Variants in GARRE1 observed in about 807,000 individuals in gnomAD.
The protein encoded by GARRE1 is granule associated Rac and RHOG effector 1.
In GARRE1, 49 loss-of-function variants were observed where a neutral mutation model predicts 103.2. That is an observed-to-expected ratio of 0.47 (90% CI 0.38 to 0.60). The LOEUF (loss-of-function observed/expected upper bound fraction) is 0.60, where lower values mean the gene tolerates loss of function less well. Among genes scored for constraint, GARRE1 ranks in the 20% least tolerant of loss-of-function variants. The probability of loss-of-function intolerance (pLI) is 0.00; values close to 1 mark genes in which losing one functional copy is unlikely to be tolerated. For missense variants in GARRE1, 1,199 were observed against 1,370.5 expected (o/e 0.87, Z 1.98); for synonymous variants, 505 against 532.8 (o/e 0.95, Z 0.72).
chr19:34,295,785 C>A (rs1398134415), intron 1 of GARRE1, among the ~76,000 whole-genome samples: 1 of 152,162 alleles, frequency 6.6e-6, no homozygotes, highest in African/African-American at 2.4e-5. Flanking sequence ...CTTGTCTCAG[C>A]CTTTCAAAGT....
intron 1 of GARRE1, among the ~76,000 whole-genome samples, chr19:34,284,202 C>T (rs914329010): frequency 7.2e-6 from 1 of 138,634 alleles, no homozygotes; most frequent in Non-Finnish European, 1.5e-5. Context: ...GCAATCTCGG[C>T]TTACTGCAAC....
chr19:34,328,391 C>T (rs111921454), intron 6 of GARRE1, among the ~76,000 whole-genome samples: 14,722 of 151,464 alleles, frequency 0.097, 1,128 homozygotes, highest in African/African-American at 0.2. Flanking sequence ...CAGCCGGGTA[C>T]GGTGGCACGC....
rs766836349 is a variant in GARRE1 at position 34,348,003 on chromosome 19, C to T, written c.2648C>T (p.Ala883Val). Reference sequence around the variant, plus strand: ...GGCAACTGGCCGCCTATGGATGACGCGCATCGGACCTGGCCCTTCCCCGAG... The same window carrying T: ...GGCAACTGGCCGCCTATGGATGACGTGCATCGGACCTGGCCCTTCCCCGAG... ...PRGNWPPMDD[A>V]HRTWPFPEFF... Residue 883 changes from alanine (A) to valine (V), a missense_variant, in exon 11 of 14, where the codon GCG (alanine) becomes GTG (valine). Physicochemically the swap from Ala to Val is moderately conservative, Grantham distance 64. Coordinates refer to ENST00000299505, the MANE Select transcript of GARRE1 (RefSeq NM_014686.5). 11 of 1,550,292 alleles carry T rather than the reference C, an allele frequency of 7.1e-6. No individual in the cohort carries two copies. The highest frequency in any genetic ancestry group is 7.9e-6 in the Non-Finnish European group (9 of 1,142,576).
rs150795743 is a variant in GARRE1 at position 34,304,076 on chromosome 19, A to G, written c.495+3108A>G. ...CACTTCCTTGGGTCAGGGTCATTCT[A>G]CTTTGGATCTATCTTTGTAATTTTT... On this transcript the variant is annotated intron_variant, in intron 2 of 13. Coordinates refer to ENST00000299505, the MANE Select transcript of GARRE1 (RefSeq NM_014686.5). 1.3e-3 allele frequency among the ~76,000 whole-genome samples: 187 copies of G among 147,140 alleles called. 1 individual carries two copies. The highest frequency in any genetic ancestry group is 4.6e-3 in the African/African-American group (184 of 39,756).
chr19:34,322,840 G>A (rs2074095495), intron 3 of GARRE1, among the ~76,000 whole-genome samples: 1 of 151,700 alleles, frequency 6.6e-6, no homozygotes, highest in Non-Finnish European at 1.5e-5. Flanking sequence ...TACCTGACTC[G>A]GCCTCCCAAA....
chr19:34,330,283 GC>G lies in GARRE1; in HGVS notation c.1202del (p.Pro401LeufsTer41). ...FPVTEVLNQVCPSTWRGACKT... is the reference protein window; with the variant it reads ...FPVTEVLNQVXPSTWRGACKT... ...GTGACTGAAGTGCTGAACCAGGTTT[GC>G]CCTTCCACATGGCGAGGTGCCTGCA... On this transcript the variant is annotated frameshift_variant, in exon 7 of 14. Coordinates refer to ENST00000299505, the MANE Select transcript of GARRE1 (RefSeq NM_014686.5). LOFTEE classifies it high-confidence loss of function. 6.2e-7 allele frequency: 1 copy of G among 1,614,212 alleles called. No homozygotes were observed. The highest frequency in any genetic ancestry group is 8.5e-7 in the Non-Finnish European group (1 of 1,180,038).
At chr19:34,330,077 A>G (rs1471220305) in intron 6 of GARRE1, 112 bp from the exon 7 acceptor site, 3 of 977,330 alleles carry the variant, frequency 3.1e-6, no homozygotes, top group Non-Finnish European at 4.6e-6. Context: ...AGAAAAATAC[A>G]TAAATAAAAT....
intron 1 of GARRE1, among the ~76,000 whole-genome samples, chr19:34,286,808 A>G (rs1159517239): frequency 6.6e-6 from 1 of 152,116 alleles, no homozygotes; most frequent in East Asian, 1.9e-4. Flanking sequence ...GCCTTTGTGT[A>G]TTCTTGAATA....
At chr19:34,279,609 C>T (rs901540328) in intron 1 of GARRE1, among the ~76,000 whole-genome samples, 2 of 152,092 alleles carry the variant, frequency 1.3e-5, no homozygotes, top group Non-Finnish European at 2.9e-5. Flanking sequence ...TTGCATTTTC[C>T]AAGTTATATT....
At chr19:34,302,369 A>C (rs73580727) in intron 2 of GARRE1, among the ~76,000 whole-genome samples, 2,587 of 122,822 alleles carry the variant, frequency 0.021, 91 homozygotes, top group African/African-American at 0.076. Context: ...ATCTCAGCTT[A>C]CTGCAACATC....
chr19:34,286,025 C>T (rs1268092798), intron 1 of GARRE1, among the ~76,000 whole-genome samples: 2 of 152,056 alleles, frequency 1.3e-5, no homozygotes, highest in East Asian at 3.9e-4. Flanking sequence ...GTAACCAGCC[C>T]CTTGGTTCTC....
At chr19:34,291,553 T>A (rs1202681606) in intron 1 of GARRE1, among the ~76,000 whole-genome samples, 1 of 152,084 alleles carries the variant, frequency 6.6e-6, no homozygotes, top group Non-Finnish European at 1.5e-5. Context: ...AGGCGAAAGG[T>A]GGAAGGACAG....
In GARRE1 at chr19:34,320,038, C is replaced by T. The variant is rs772182883; in HGVS notation, c.627C>T (p.Gly209=). The T allele has an allele frequency of 5.0e-6, 8 of 1,614,230 alleles. No individual in the cohort carries two copies. Among genetic ancestry groups the T allele is most frequent in the Non-Finnish European group, 6.8e-6 (8 of 1,180,046 alleles). The change falls in exon 3 of 14, where the codon GGC becomes GGT. Residue 209 remains glycine, a synonymous_variant. Coordinates refer to ENST00000299505, the MANE Select transcript of GARRE1 (RefSeq NM_014686.5). ...TCGTGCCAGAAAAAAAGAACAGCGGCAGTGGCGGCGGCTTATCTGGCATGG... is the reference window on the plus strand; with the variant it reads ...TCGTGCCAGAAAAAAAGAACAGCGGTAGTGGCGGCGGCTTATCTGGCATGG... ...EVIVPEKKNS[G]SGGGLSGMGH...
intron 2 of GARRE1, 106 bp downstream of exon 2, chr19:34,301,074 C>T: frequency 1.7e-6 from 2 of 1,199,146 alleles, no homozygotes; most frequent in Non-Finnish European, 2.3e-6. Context: ...TAGCCTTTGT[C>T]CTCTTGCTGT....
chr19:34,330,727 C>CTTTTTTT (rs1213759081), intron 7 of GARRE1, among the ~76,000 whole-genome samples: 8 of 102,088 alleles, frequency 7.8e-5, no homozygotes, highest in Admixed American at 1.1e-4. Context: ...GACCCTGCCT[C>CTTTTTTT]TTTTTTTTTT....
chr19:34,255,162 A>G (rs2073663764), intron 1 of GARRE1, among the ~76,000 whole-genome samples: 1 of 134,672 alleles, frequency 7.4e-6, no homozygotes, highest in Non-Finnish European at 1.6e-5. Flanking sequence ...CTGCGGAGCC[A>G]GCTGGCGCAT....
intron 8 of GARRE1, among the ~76,000 whole-genome samples, chr19:34,335,271 GA>G (rs1468963685): frequency 6.6e-6 from 1 of 152,158 alleles, no homozygotes; most frequent in Non-Finnish European, 1.5e-5. Context: ...TTCACCTCTA[GA>G]AATTTATCTT....
rs773474562 is a variant in GARRE1 at position 34,341,827 on chromosome 19, C to T, written c.1893C>T (p.Asp631=). The change falls in exon 10 of 14, where the codon GAC becomes GAT. Residue 631 remains aspartate (D), a synonymous_variant. Coordinates refer to ENST00000299505, the MANE Select transcript of GARRE1 (RefSeq NM_014686.5). Reference sequence around the variant, plus strand: ...GTGAGAACTTCCTGCATGGAGATGACGGCAAGGATGAGAAGGGTATGAACT... The same window carrying T: ...GTGAGAACTTCCTGCATGGAGATGATGGCAAGGATGAGAAGGGTATGAACT... The part of the protein sequence containing the change: ...ERRENFLHGD[D]GKDEKGMNLP... 2.2e-5 allele frequency: 35 copies of T among 1,613,982 alleles called. No homozygotes were observed. The highest frequency in any genetic ancestry group is 2.9e-5 in the Non-Finnish European group (34 of 1,180,020).
At chr19:34,340,020 C>T (rs1568310929) in intron 9 of GARRE1, 28 bp downstream of exon 9, 1 of 1,613,048 alleles carries the variant, frequency 6.2e-7, no homozygotes, top group Non-Finnish European at 8.5e-7. Context: ...GCATTAGATG[C>T]ATACCGAGGG....
Sources: allele counts gnomAD v4.1 joint callset (sites outside exome capture counted in the v4.1 genomes callset), GRCh38; gene constraint gnomAD v4.1.1; transcripts MANE v1.5; gene names NCBI Gene and HGNC (gene_info 2026-07-23, HGNC 2026-07-21).